The following EYS variants were observed in gnomAD, a reference collection of about 807,000 sequenced individuals.
EYS encodes EGF-like photoreceptor maintenance factor, also known as protein eyes shut homolog.
In EYS, 250 loss-of-function variants were observed where a neutral mutation model predicts 282.1. The observed-to-expected ratio is 0.89, with a 90% CI of 0.80 to 0.98. The LOEUF is 0.98. Among genes scored for constraint, EYS ranks in the 50% least tolerant of loss-of-function variants. The pLI is 0.00. For synonymous variants in EYS, 1,355 were observed against 1,282.9 expected, an observed-to-expected ratio of 1.06 and a Z score of -1.20; for missense variants, 4,016 against 3,709.0, an observed-to-expected ratio of 1.08 and a Z score of -2.15.
intron 30 of EYS, among the ~76,000 whole-genome samples, chr6:64,289,093 A>G (rs1768606873): frequency 6.6e-6 from 1 of 151,980 alleles, no homozygotes; most frequent in African/African-American, 2.4e-5. Context: ...TCTTTAACCC[A>G]TCACGCCTTC....
intron 26 of EYS, among the ~76,000 whole-genome samples, chr6:64,476,935 T>A (rs9345146): frequency 0.41 from 62,967 of 151,916 alleles, 13,599 homozygotes; most frequent in African/African-American, 0.56. Flanking sequence ...TACATCTACC[T>A]AGTAGCCATA....
At chr6:64,991,479 A>C (rs1771060374) in intron 14 of EYS, among the ~76,000 whole-genome samples, 1 of 151,654 alleles carries the variant, frequency 6.6e-6, no homozygotes, top group East Asian at 1.9e-4. Context: ...TTTGGATATC[A>C]TAATAATCAA....
chr6:64,122,423 C>T (rs1773620894), intron 31 of EYS, among the ~76,000 whole-genome samples: 1 of 152,058 alleles, frequency 6.6e-6, no homozygotes, highest in South Asian at 2.1e-4. Context: ...AAAGATTTTT[C>T]TAAGGCTACT....
chr6:64,437,163 T>TA (rs1774778337), intron 27 of EYS, among the ~76,000 whole-genome samples: 1 of 151,758 alleles, frequency 6.6e-6, no homozygotes, highest in African/African-American at 2.4e-5. Flanking sequence ...CAGTTGACTT[T>TA]AAAAACTCCA....
chr6:64,791,379 A>C (rs1019129454), intron 22 of EYS, among the ~76,000 whole-genome samples: 2 of 151,942 alleles, frequency 1.3e-5, no homozygotes, highest in East Asian at 3.9e-4. Context: ...TTTCCACACT[A>C]TATTATTCAC....
intron 12 of EYS, among the ~76,000 whole-genome samples, chr6:65,071,783 T>A (rs1296831422): frequency 6.6e-6 from 1 of 151,798 alleles, no homozygotes; most frequent in East Asian, 1.9e-4. Context: ...GAATGTGTCC[T>A]CTCCAAAATT....
At chr6:65,312,730 T>C (rs1003655380) in intron 11 of EYS, among the ~76,000 whole-genome samples, 64 of 152,206 alleles carry the variant, frequency 4.2e-4, no homozygotes, top group Middle Eastern at 3.2e-3. Context: ...CTTTTCTCTA[T>C]GGTCACAGTT....
In EYS at chr6:64,969,695, G is replaced by C. The variant is rs547120085; in HGVS notation, c.2260-23781C>G. Among the ~76,000 whole-genome samples, 8 of 152,160 alleles carry C rather than the reference G, an allele frequency of 5.3e-5. No individual in the cohort carries two copies. In the South Asian group the frequency reaches 1.7e-3, roughly 32 times the overall value. ...AATAACATGAAACTGCTCTCCCTAG[G>C]ATTTAATCCCACATAGCTAGTGATG... On this transcript the variant is annotated intron_variant, in intron 14 of 42. Transcript: ENST00000503581.
chr6:64,109,799 A>G (rs1405940656), intron 31 of EYS, among the ~76,000 whole-genome samples: 5 of 152,122 alleles, frequency 3.3e-5, no homozygotes, highest in Admixed American at 6.6e-5. Context: ...GCACAGTCTC[A>G]TTCAATAAAA....
At chr6:63,885,837 T>A (rs748449277) in intron 35 of EYS, among the ~76,000 whole-genome samples, 6 of 152,106 alleles carry the variant, frequency 3.9e-5, no homozygotes, top group Non-Finnish European at 7.4e-5. Flanking sequence ...TTGATCTGAG[T>A]CTCCCAACTG....
intron 1 of EYS, among the ~76,000 whole-genome samples, chr6:65,662,525 C>A (rs1179425314): frequency 2.6e-5 from 4 of 152,140 alleles, no homozygotes; most frequent in Non-Finnish European, 5.9e-5. Flanking sequence ...TATACAATTG[C>A]AATTAATATT....
intron 24 of EYS, among the ~76,000 whole-genome samples, chr6:64,603,608 A>T (rs1482153930): frequency 3.3e-5 from 5 of 151,986 alleles, no homozygotes; most frequent in Admixed American, 6.6e-5. Flanking sequence ...ATCTACAAAG[A>T]TGTTATCTAA....
chr6:65,291,999 T>C (rs1225121900), intron 12 of EYS, among the ~76,000 whole-genome samples: 6 of 151,530 alleles, frequency 4.0e-5, no homozygotes, highest in Admixed American at 3.3e-4. Context: ...TGCAGCTCCA[T>C]GAGAGACAGA....
chr6:64,560,619 G>T (rs1765365209), intron 26 of EYS, among the ~76,000 whole-genome samples: 1 of 151,980 alleles, frequency 6.6e-6, no homozygotes, highest in South Asian at 2.1e-4. Flanking sequence ...TCAGCGCTCT[G>T]AAATACATAG....
intron 12 of EYS, among the ~76,000 whole-genome samples, chr6:65,258,638 C>T (rs560118264): frequency 3.9e-5 from 6 of 152,086 alleles, no homozygotes; most frequent in African/African-American, 1.4e-4. Flanking sequence ...AAACTCCTAT[C>T]AGACATTATG....
intron 19 of EYS, among the ~76,000 whole-genome samples, chr6:64,866,251 A>G (rs953298416): frequency 6.6e-6 from 1 of 151,966 alleles, no homozygotes; most frequent in Non-Finnish European, 1.5e-5. Context: ...CTTTCACTTT[A>G]AAGAAAATTG....
chr6:64,435,641 A>G (rs1321118782), intron 28 of EYS, among the ~76,000 whole-genome samples: 1 of 151,912 alleles, frequency 6.6e-6, no homozygotes, highest in Admixed American at 6.6e-5. Context: ...ATTAAAATTT[A>G]CTAAAAATCA....
chr6:64,892,970 G>A (rs780508500), intron 18 of EYS, among the ~76,000 whole-genome samples: 1 of 151,990 alleles, frequency 6.6e-6, no homozygotes, highest in African/African-American at 2.4e-5. Context: ...TAATGATCTC[G>A]CTATGATAAT....
intron 2 of EYS, among the ~76,000 whole-genome samples, chr6:65,633,805 G>C (rs1582545938): frequency 6.6e-6 from 1 of 152,116 alleles, no homozygotes; most frequent in South Asian, 2.1e-4. Context: ...TGTAAATAAA[G>C]TTTATTAAAA....
Sources: allele counts gnomAD v4.1 joint callset (sites outside exome capture counted in the v4.1 genomes callset), GRCh38; gene constraint gnomAD v4.1.1; transcripts MANE v1.5; gene names NCBI Gene and HGNC (gene_info 2026-07-23, HGNC 2026-07-21).